The following KIF9 variants were observed in gnomAD, a reference collection of about 807,000 sequenced individuals.
KIF9 encodes the protein kinesin-like protein KIF9.
A neutral mutation model predicts 94.8 loss-of-function variants in KIF9; 68 were observed. That is an observed-to-expected ratio of 0.72 (90% CI 0.59 to 0.88). KIF9 has a LOEUF of 0.88. Ranked by LOEUF, KIF9 falls within the 40% of genes least tolerant of loss-of-function variation. The probability of loss-of-function intolerance (pLI) is 0.00; values close to 1 mark genes in which losing one functional copy is unlikely to be tolerated. For synonymous variants in KIF9, 343 were observed against 362.1 expected (o/e 0.95, Z 0.60); for missense variants, 882 against 982.5 (o/e 0.90, Z 1.37).
At chr3:47,241,880 ATATATTT>A (rs1236773416) in intron 16 of KIF9, among the ~76,000 whole-genome samples, 3 of 99,112 alleles carry the variant, frequency 3.0e-5, no homozygotes, top group East Asian at 3.0e-4. Flanking sequence ...ATATATATAT[ATATATTT>A]TTTTTTTTTT....
chr3:47,256,706 G>T (rs1471030541), intron 10 of KIF9, among the ~76,000 whole-genome samples: 2 of 152,248 alleles, frequency 1.3e-5, no homozygotes, highest in Non-Finnish European at 2.9e-5. Context: ...AGAAAGGGGG[G>T]AAGGGTGGGG....
chr3:47,276,493 T>C (rs1261990317), intron 2 of KIF9, among the ~76,000 whole-genome samples: 1 of 149,998 alleles, frequency 6.7e-6, no homozygotes, highest in East Asian at 1.9e-4. Context: ...GAGGCGGAGG[T>C]TGCAGTGAGC....
Position 47,277,319 on chromosome 3 carries a change from A to C in KIF9, c.56T>G (p.Phe19Cys). Reference protein sequence around the residue: ...AFVRVKPTDDFAHEMIRYGDD... With the variant: ...AFVRVKPTDDCAHEMIRYGDD... Reference sequence around the variant, plus strand: ...TCCGTATCTGATCATTTCATGAGCAAAGTCATCGGTGGGTTTGACACGGAC... The same window carrying C: ...TCCGTATCTGATCATTTCATGAGCACAGTCATCGGTGGGTTTGACACGGAC... The change falls in exon 2 of 21, where the codon TTT becomes TGT. Residue 19 changes from phenylalanine (F) to cysteine (C), a missense_variant. By Grantham distance (205) the Phe-to-Cys change is radical (BLOSUM62 -2). Transcript: ENST00000684063. The C allele has an allele frequency of 6.2e-7, 1 of 1,614,126 alleles. No homozygotes were observed. The highest frequency in any genetic ancestry group is 1.1e-5 in the South Asian group (1 of 91,062).
rs537846834 is a variant in KIF9, at chr3:47,235,802, T to C, written c.2218-185A>G. Among the ~76,000 whole-genome samples the C allele has an allele frequency of 9.8e-5, 15 of 152,332 alleles. No homozygotes were observed. In the South Asian group the frequency reaches 2.7e-3, roughly 27 times the overall value. On this transcript the variant is annotated intron_variant, in intron 19 of 20. Transcript: ENST00000684063. ...GTTCCCACAGACAACCTGTAACTGC[T>C]GCCTGAGCAGGATGAACTGCTTTAG...
Position 47,267,248 on chromosome 3 carries a change from T to C in KIF9, c.607A>G (p.Ile203Val). 1 of 1,612,928 alleles carries C rather than the reference T, an allele frequency of 6.2e-7. No homozygotes were observed. The highest frequency in any genetic ancestry group is 8.5e-7 in the Non-Finnish European group (1 of 1,178,958). ...TTGTTCATAGTGTGGGAGGCTATAA[T>C]CCTGTTGGTCTCACCCTGAAGAGGA... The part of the protein sequence containing the change: ...SLLFEGETNR[I>V]IASHTMNKNS... Residue 203 changes from isoleucine to valine, a missense_variant, in exon 6 of 21, where the codon ATT becomes GTT. Ile to Val is a conservative substitution (Grantham distance 29). Coordinates refer to ENST00000684063, the MANE Select transcript of KIF9 (RefSeq NM_182902.4).
intron 9 of KIF9, 23 bp from the exon 10 acceptor site, chr3:47,257,583 A>T: frequency 6.2e-7 from 1 of 1,606,828 alleles, no homozygotes; most frequent in Non-Finnish European, 8.5e-7. Context: ...GCAGGTAGAC[A>T]TTAGATGGCT....
At chr3:47,244,629 C>T in intron 15 of KIF9, 162 bp downstream of exon 15, 1 of 862,342 alleles carries the variant, frequency 1.2e-6, no homozygotes, top group Non-Finnish European at 1.8e-6. Context: ...AAACCAGCCC[C>T]AGCCCGGGCC....
chr3:47,265,403 C>T (rs961524498), intron 8 of KIF9, among the ~76,000 whole-genome samples: 1 of 152,146 alleles, frequency 6.6e-6, no homozygotes, highest in African/African-American at 2.4e-5. Context: ...GAAGGGAAGA[C>T]ACCATGGGAG....
intron 10 of KIF9, among the ~76,000 whole-genome samples, chr3:47,253,346 G>C (rs1421441316): frequency 6.6e-6 from 1 of 151,926 alleles, no homozygotes; most frequent in African/African-American, 2.4e-5. Context: ...TAGTAGAGAT[G>C]GGGTTCTCCA....
chr3:47,241,742 T>TATATATACATATATATAC (rs1699517385), intron 16 of KIF9, among the ~76,000 whole-genome samples: 13 of 146,876 alleles, frequency 8.9e-5, no homozygotes, highest in Admixed American at 2.8e-4. Flanking sequence ...TATGTGTGTG[T>TATATATACATATATATAC]ATATATACGT....
chr3:47,253,681 C>T (rs532398686), intron 10 of KIF9, among the ~76,000 whole-genome samples: 3 of 152,252 alleles, frequency 2.0e-5, no homozygotes, highest in Admixed American at 2.0e-4. Context: ...TAGAGACTGT[C>T]GTTTGGGCCA....
At chr3:47,257,919 C>A (rs567439286) in intron 9 of KIF9, among the ~76,000 whole-genome samples, 1 of 152,304 alleles carries the variant, frequency 6.6e-6, no homozygotes, top group Admixed American at 6.5e-5. Flanking sequence ...GTCTGCCTTC[C>A]TGCGTTCCAC....
chr3:47,241,799 GTA>G (rs35832810), intron 16 of KIF9, among the ~76,000 whole-genome samples: 1 of 133,120 alleles, frequency 7.5e-6, no homozygotes, highest in South Asian at 2.2e-4. Context: ...GTGTATATAT[GTA>G]TATATGTATA....
intron 12 of KIF9, chr3:47,246,727 C>T (rs1370023385): frequency 6.6e-6 from 1 of 152,566 alleles, no homozygotes; most frequent in Non-Finnish European, 1.5e-5. Context: ...ACAGCATTCC[C>T]CTTGATCAAG....
Position 47,228,645 on chromosome 3 carries a change from T to A in KIF9, c.*7A>T. The A allele has an allele frequency of 6.2e-7, 1 of 1,612,718 alleles. No homozygotes were observed. The highest frequency in any genetic ancestry group is 8.5e-7 in the Non-Finnish European group (1 of 1,178,736). On this transcript the variant is annotated 3_prime_UTR_variant, in exon 21 of 21. Coordinates refer to ENST00000684063, the MANE Select transcript of KIF9 (RefSeq NM_182902.4). ...GTCTTGTCCTTTAAGGTACTGGCGA[T>A]GAGGTTCTATTTTCTATGTGCCTGC...
chr3:47,235,666 G>A (rs754730396), intron 19 of KIF9, 49 bp from the exon 20 acceptor site: 1 of 1,453,182 alleles, frequency 6.9e-7, no homozygotes, highest in East Asian at 2.3e-5. Flanking sequence ...ATATACCCTA[G>A]CAGAGCCTGT....
Position 47,247,465 on chromosome 3 carries a change from A to AG in KIF9, c.1140dup (p.Phe381LeufsTer5). 6.8e-6 allele frequency: 11 copies of AG among 1,613,336 alleles called. No homozygotes were observed. Among genetic ancestry groups the AG allele is most frequent in the Non-Finnish European group, 8.5e-6 (10 of 1,179,314 alleles). On this transcript the variant is annotated frameshift_variant, in exon 12 of 21. Coordinates refer to ENST00000684063, the MANE Select transcript of KIF9 (RefSeq NM_182902.4). LOFTEE classifies it high-confidence loss of function. The stretch of plus-strand genomic sequence containing the variant: ...TCATCCATGGGGTCATAGGTCACAA[A>AG]GGTGCGGTTGGTCTTGAAGGAGGAT...
intron 4 of KIF9, 74 bp downstream of exon 4, chr3:47,273,478 G>T: frequency 8.6e-7 from 1 of 1,162,752 alleles, no homozygotes; most frequent in Non-Finnish European, 1.2e-6. Context: ...TCTAGTAGCT[G>T]GCCCAGGGTC....
chr3:47,246,094 A>T, intron 13 of KIF9, 103 bp downstream of exon 13: 1 of 951,362 alleles, frequency 1.1e-6, no homozygotes, highest in Middle Eastern at 2.3e-4. Flanking sequence ...TTGGCTCTTC[A>T]TCCACAAGCA....
Sources: allele counts gnomAD v4.1 joint callset (sites outside exome capture counted in the v4.1 genomes callset), GRCh38; gene constraint gnomAD v4.1.1; transcripts MANE v1.5; gene names NCBI Gene and HGNC (gene_info 2026-07-23, HGNC 2026-07-21).